The following COX15 variants were observed in gnomAD, a reference collection of about 807,000 sequenced individuals.
The protein encoded by COX15 is cytochrome c oxidase assembly factor COX15, also known as heme A synthase COX15.
COX15 carries 51 observed loss-of-function variants against 51.9 expected under a neutral mutation model. That is an observed-to-expected ratio of 0.98 (90% CI 0.78 to 1.24). The LOEUF is 1.24. Ranked by LOEUF, COX15 falls within the 50% of genes most tolerant of loss-of-function variation. COX15 has a pLI of 0.00. For missense variants in COX15, 420 were observed against 501.1 expected, an observed-to-expected ratio of 0.84 and a Z score of 1.55; for synonymous variants, 188 against 190.5, an observed-to-expected ratio of 0.99 and a Z score of 0.11.
chr10:99,704,029 T>C, the COX15 span, among the ~76,000 whole-genome samples: 1 of 152,226 alleles, frequency 6.6e-6, no homozygotes, highest in African/African-American at 2.4e-5. Flanking sequence ...CTTGGCTGCA[T>C]AGCAACTTTA....
the COX15 span, chr10:99,695,990 A>G: frequency 6.2e-7 from 1 of 1,613,950 alleles, no homozygotes; most frequent in Non-Finnish European, 8.5e-7. Context: ...GCTGAGTTCA[A>G]CCTGGGCTGT....
chr10:99,696,866 C>T, the COX15 span, among the ~76,000 whole-genome samples: 1 of 152,022 alleles, frequency 6.6e-6, no homozygotes, highest in African/African-American at 2.4e-5. Context: ...ATTGTGGTGG[C>T]GTAGGTAGGG....
At chr10:99,719,265 G>A (rs1214765235) in intron 6 of COX15, among the ~76,000 whole-genome samples, 1 of 151,990 alleles carries the variant, frequency 6.6e-6, no homozygotes, top group East Asian at 1.9e-4. Context: ...TGTCCCCCAG[G>A]CTGGAGTGCA....
Position 99,714,282 on chromosome 10 carries a change from G to C in COX15, c.*305C>G. 1 of 1,201,636 alleles carries C rather than the reference G, an allele frequency of 8.3e-7. No homozygotes were observed. The highest frequency in any genetic ancestry group is 1.0e-6 in the Non-Finnish European group (1 of 952,470). 74.4% of individuals were successfully genotyped at this position (1,201,636 alleles called of 1,614,324 possible). ...AGAAATCATCCACGTAGAACCAAGA[G>C]CTTGCCAACACTGAAAAACCTGACA... On this transcript the variant is annotated 3_prime_UTR_variant, in exon 9 of 9. Coordinates refer to ENST00000016171, the MANE Select transcript of COX15 (RefSeq NM_078470.6).
Position 99,713,398 on chromosome 10 carries a change from T to C in COX15, c.*1189A>G. On this transcript the variant is annotated 3_prime_UTR_variant, in exon 9 of 9. Coordinates refer to ENST00000016171, the MANE Select transcript of COX15 (RefSeq NM_078470.6). The stretch of plus-strand genomic sequence containing the variant: ...CATCTATTATATTAGCAATATTGGG[T>C]TGCTCCATCCTCAAATCAGATGTTT... The C allele has an allele frequency of 6.2e-7, 1 of 1,613,952 alleles. No individual in the cohort carries two copies. The highest frequency in any genetic ancestry group is 8.5e-7 in the Non-Finnish European group (1 of 1,179,970).
At chr10:99,698,335 C>T in the COX15 span, among the ~76,000 whole-genome samples, 14 of 152,144 alleles carry the variant, frequency 9.2e-5, no homozygotes, top group African/African-American at 3.4e-4. Context: ...GAATTGATCA[C>T]CATATTCCTC....
At position 99,710,990 on chromosome 10, in the gene COX15, TTTTGGAAAAAGGTA is replaced by T; in HGVS notation, c.*3583_*3596del. ...CCTATAGGTATGTGATGACTTGTTT[TTTTGGAAAAAGGTA>T]TTTGGAACATCAATCTGTAATTATC... On this transcript the variant is annotated 3_prime_UTR_variant, in exon 9 of 9. Coordinates refer to ENST00000016171, the MANE Select transcript of COX15 (RefSeq NM_078470.6). 1.0e-6 allele frequency: 1 copy of T among 985,324 alleles called. No homozygotes were observed. Among genetic ancestry groups the T allele is most frequent in the Non-Finnish European group, 1.2e-6 (1 of 829,850 alleles). 61.0% of individuals were successfully genotyped at this position (985,324 alleles called of 1,614,324 possible). A position where few individuals can be genotyped will look rare whatever the true frequency, so the allele number is the denominator to read the frequency against.
At chr10:99,722,246 T>C (rs1248559846) in intron 5 of COX15, among the ~76,000 whole-genome samples, 1 of 152,172 alleles carries the variant, frequency 6.6e-6, no homozygotes, top group East Asian at 1.9e-4. Context: ...GCTCATTGGG[T>C]AGCATCTCAA....
At chr10:99,701,390 C>T in the COX15 span, among the ~76,000 whole-genome samples, 1 of 151,646 alleles carries the variant, frequency 6.6e-6, no homozygotes, top group African/African-American at 2.4e-5. Context: ...TGGGTTCCAG[C>T]GATTCTCCTG....
the COX15 span, chr10:99,705,230 G>A: frequency 6.3e-6 from 1 of 158,976 alleles, no homozygotes; most frequent in African/African-American, 2.4e-5. Context: ...TAACTTCCTT[G>A]CTTCCTTGAC....
At chr10:99,698,047 A>G in the COX15 span, 499 of 186,556 alleles carry the variant, frequency 2.7e-3, 3 homozygotes, top group African/African-American at 0.011. Context: ...CTGTTCCAGC[A>G]CTGCTCATTC....
At chr10:99,700,723 T>A in the COX15 span, 41 of 531,556 alleles carry the variant, frequency 7.7e-5, no homozygotes, top group East Asian at 1.0e-3. Flanking sequence ...TATTTGTTAG[T>A]CCTAACCTCA....
At chr10:99,695,935 T>C in the COX15 span, 4 of 1,575,436 alleles carry the variant, frequency 2.5e-6, no homozygotes, top group Non-Finnish European at 3.4e-6. Context: ...ATTCCCTTTT[T>C]CTCTTGGTAT....
chr10:99,699,326 A>G, the COX15 span, among the ~76,000 whole-genome samples: 4 of 152,218 alleles, frequency 2.6e-5, no homozygotes, highest in Non-Finnish European at 5.9e-5. Context: ...CCCTGGGAAT[A>G]TTAGATGTTG....
chr10:99,726,740 A>G (rs2036962201), intron 4 of COX15, among the ~76,000 whole-genome samples: 1 of 152,096 alleles, frequency 6.6e-6, no homozygotes, highest in Non-Finnish European at 1.5e-5. Flanking sequence ...ACAAAAAATT[A>G]GCCAGGCATA....
At chr10:99,701,477 C>G in the COX15 span, among the ~76,000 whole-genome samples, 16 of 151,514 alleles carry the variant, frequency 1.1e-4, no homozygotes, top group East Asian at 3.0e-3. Flanking sequence ...TTTGTAGAGA[C>G]GGGGTTTCGC....
the COX15 span, chr10:99,698,906 T>C: frequency 9.8e-6 from 15 of 1,526,738 alleles, no homozygotes; most frequent in South Asian, 5.1e-5. Context: ...CAGCCATTTA[T>C]TGAATGCCTC....
intron 7 of COX15, 103 bp from the exon 8 acceptor site, chr10:99,716,564 T>G: frequency 1.3e-6 from 1 of 781,262 alleles, no homozygotes; most frequent in Non-Finnish European, 2.2e-6. Context: ...TGAAGTACTT[T>G]CCTGTACCAG....
chr10:99,697,753 C>A, the COX15 span: 1 of 163,108 alleles, frequency 6.1e-6, no homozygotes, highest in Non-Finnish European at 1.4e-5. Context: ...TGGGCGCATC[C>A]TCATTCTAAG....
Sources: allele counts gnomAD v4.1 joint callset (sites outside exome capture counted in the v4.1 genomes callset), GRCh38; gene constraint gnomAD v4.1.1; transcripts MANE v1.5; gene names NCBI Gene and HGNC (gene_info 2026-07-23, HGNC 2026-07-21).